The following SLC24A2 variants were observed in gnomAD, a reference collection of about 807,000 sequenced individuals.
SLC24A2 encodes the protein sodium/potassium/calcium exchanger 2.
SLC24A2 carries 36 observed loss-of-function variants against 62.0 expected under a neutral mutation model. The observed-to-expected ratio is 0.58, with a 90% CI of 0.44 to 0.77. SLC24A2 has a LOEUF of 0.77. Ranked by LOEUF, SLC24A2 falls within the 30% of genes least tolerant of loss-of-function variation. The probability of loss-of-function intolerance (pLI) is 0.00; values close to 1 mark genes in which losing one functional copy is unlikely to be tolerated. For missense variants in SLC24A2, 846 were observed against 817.9 expected, an observed-to-expected ratio of 1.03 and a Z score of -0.42; for synonymous variants, 358 against 294.0, an observed-to-expected ratio of 1.22 and a Z score of -2.23.
chr9:20,110,606 G>T, the SLC24A2 span, among the ~76,000 whole-genome samples: 1 of 151,988 alleles, frequency 6.6e-6, no homozygotes, highest in Non-Finnish European at 1.5e-5. Context: ...ATGCCACCCA[G>T]AGTCAGTAAA....
the SLC24A2 span, among the ~76,000 whole-genome samples, chr9:20,293,392 C>T: frequency 6.4e-4 from 98 of 152,278 alleles, 1 homozygote; most frequent in African/African-American, 2.2e-3. Flanking sequence ...GGTTTCCACT[C>T]TAGGAATTTC....
the SLC24A2 span, among the ~76,000 whole-genome samples, chr9:19,999,358 T>C: frequency 2.6e-5 from 4 of 152,226 alleles, no homozygotes; most frequent in Non-Finnish European, 4.4e-5. Flanking sequence ...TACACAAATA[T>C]ATGAGCTTGG....
the SLC24A2 span, among the ~76,000 whole-genome samples, chr9:20,279,827 T>C: frequency 1.3e-5 from 2 of 152,248 alleles, no homozygotes; most frequent in African/African-American, 4.8e-5. Flanking sequence ...GTGGTTTGCA[T>C]GGCTGGTCAT....
intron 2 of SLC24A2, among the ~76,000 whole-genome samples, chr9:19,739,658 G>C (rs1821615487): frequency 6.6e-6 from 1 of 152,122 alleles, no homozygotes; most frequent in Non-Finnish European, 1.5e-5. Flanking sequence ...ATAAACAAAG[G>C]TCAATTGTAG....
the SLC24A2 span, among the ~76,000 whole-genome samples, chr9:20,264,627 G>A: frequency 3.9e-4 from 60 of 152,248 alleles, no homozygotes; most frequent in African/African-American, 1.4e-3. Context: ...TTCCTCCTCT[G>A]GAAGATGAGA....
At chr9:20,249,582 G>A in the SLC24A2 span, among the ~76,000 whole-genome samples, 1 of 151,800 alleles carries the variant, frequency 6.6e-6, no homozygotes, top group African/African-American at 2.4e-5. Flanking sequence ...GCGGGCTCCT[G>A]TAGTCCCAGC....
chr9:20,025,855 G>A, the SLC24A2 span, among the ~76,000 whole-genome samples: 2 of 152,138 alleles, frequency 1.3e-5, no homozygotes, highest in African/African-American at 4.8e-5. Flanking sequence ...GTGAACAGAG[G>A]AGTAGGGAGA....
At chr9:20,248,814 T>C in the SLC24A2 span, among the ~76,000 whole-genome samples, 1 of 152,214 alleles carries the variant, frequency 6.6e-6, no homozygotes, top group Non-Finnish European at 1.5e-5. Context: ...TTGTTAGCAT[T>C]TACTTCTCCG....
At chr9:20,300,396 T>C in the SLC24A2 span, among the ~76,000 whole-genome samples, 1 of 152,212 alleles carries the variant, frequency 6.6e-6, no homozygotes, top group African/African-American at 2.4e-5. Context: ...TTCTATAAAA[T>C]GGCCTTGTCA....
the SLC24A2 span, among the ~76,000 whole-genome samples, chr9:20,006,310 T>A: frequency 6.6e-6 from 1 of 151,902 alleles, no homozygotes; most frequent in Non-Finnish European, 1.5e-5. Context: ...CTCAGAGTAT[T>A]CATCAGAAAC....
At chr9:20,031,676 T>A in the SLC24A2 span, among the ~76,000 whole-genome samples, 1 of 152,116 alleles carries the variant, frequency 6.6e-6, no homozygotes, top group African/African-American at 2.4e-5. Flanking sequence ...AAACTTGTTA[T>A]AGAACACAGC....
intron 7 of SLC24A2, among the ~76,000 whole-genome samples, chr9:19,567,939 C>A (rs538808283): frequency 5.3e-5 from 8 of 152,194 alleles, no homozygotes; most frequent in East Asian, 3.9e-4. Context: ...ATGGCAGAAA[C>A]CTCTCGGAGA....
intron 2 of SLC24A2, among the ~76,000 whole-genome samples, chr9:19,725,152 C>T (rs1311625597): frequency 3.3e-5 from 5 of 152,170 alleles, no homozygotes; most frequent in South Asian, 2.1e-4. Flanking sequence ...CTGGAGAGTG[C>T]GTGTGCTACC....
At chr9:19,689,742 G>C (rs1814978333) in intron 2 of SLC24A2, among the ~76,000 whole-genome samples, 1 of 152,090 alleles carries the variant, frequency 6.6e-6, no homozygotes, top group Non-Finnish European at 1.5e-5. Context: ...AGCATCTCAA[G>C]TGTCTTAGAG....
At chr9:20,196,270 A>G in the SLC24A2 span, among the ~76,000 whole-genome samples, 2 of 152,234 alleles carry the variant, frequency 1.3e-5, no homozygotes, top group African/African-American at 4.8e-5. Context: ...GTGAAAAGAA[A>G]TAAGTAGAAG....
intron 4 of SLC24A2, among the ~76,000 whole-genome samples, chr9:19,608,854 A>G (rs1326642196): frequency 6.6e-6 from 1 of 152,084 alleles, no homozygotes; most frequent in Non-Finnish European, 1.5e-5. Context: ...TCGACAGGAG[A>G]GACTGCTAGA....
the SLC24A2 span, among the ~76,000 whole-genome samples, chr9:19,913,266 A>G: frequency 6.6e-6 from 1 of 152,242 alleles, no homozygotes; most frequent in African/African-American, 2.4e-5. Context: ...GGCTTATACC[A>G]GAGATACCAG....
At chr9:19,970,169 C>T in the SLC24A2 span, among the ~76,000 whole-genome samples, 1 of 152,168 alleles carries the variant, frequency 6.6e-6, no homozygotes, top group African/African-American at 2.4e-5. Context: ...GACCAGGTAG[C>T]TCCTTTATTG....
the SLC24A2 span, among the ~76,000 whole-genome samples, chr9:19,974,760 C>T: frequency 2.6e-5 from 4 of 152,202 alleles, no homozygotes; most frequent in African/African-American, 7.2e-5. Context: ...TATTAACCAG[C>T]TCACAGAGTT....
Sources: gnomAD v4.1 joint callset for allele counts (sites outside exome capture counted in the v4.1 genomes callset) on GRCh38, gnomAD v4.1.1 for gene constraint, MANE v1.5 for transcripts, NCBI Gene and HGNC (gene_info 2026-07-23, HGNC 2026-07-21) for gene names.